BICC1: variants seen among roughly 807,000 people sequenced by gnomAD.
The protein encoded by BICC1 is BicC family RNA binding protein 1, also known as protein bicaudal C homolog 1.
In BICC1, 43 loss-of-function variants were observed where a neutral mutation model predicts 111.0. The ratio of observed to expected loss-of-function variants is 0.39; its 90% confidence interval spans 0.30 to 0.50. The LOEUF is 0.50. BICC1 is among the 20% of genes least tolerant of loss of function. The pLI is 0.88. For synonymous variants in BICC1, 467 were observed against 434.4 expected (o/e 1.07, Z -0.93); for missense variants, 1,091 against 1,203.2 (o/e 0.91, Z 1.38).
chr10:58,805,452 T>A (rs577620099), intron 15 of BICC1, among the ~76,000 whole-genome samples: 1 of 152,382 alleles, frequency 6.6e-6, no homozygotes, highest in Admixed American at 6.5e-5. Flanking sequence ...GTTCTCCGTA[T>A]ACCTTGCCTT....
At chr10:58,789,110 A>T in intron 6 of BICC1, 152 bp from the exon 7 acceptor site, 1 of 631,270 alleles carries the variant, frequency 1.6e-6, no homozygotes. Context: ...AAAGGAAAAA[A>T]AAAAACTTTA....
intron 3 of BICC1, among the ~76,000 whole-genome samples, chr10:58,725,922 G>T (rs1182367594): frequency 6.6e-6 from 1 of 152,200 alleles, no homozygotes; most frequent in Non-Finnish European, 1.5e-5. Context: ...GTGGGGAATG[G>T]TTGCACACTT....
chr10:58,694,993 A>G (rs1442938959), intron 2 of BICC1, among the ~76,000 whole-genome samples: 1 of 152,178 alleles, frequency 6.6e-6, no homozygotes, highest in Non-Finnish European at 1.5e-5. Context: ...GGACTTTGCC[A>G]CATATCTGTC....
chr10:58,558,577 A>C (rs757010903), intron 1 of BICC1, among the ~76,000 whole-genome samples: 1 of 152,106 alleles, frequency 6.6e-6, no homozygotes, highest in Non-Finnish European at 1.5e-5. Context: ...ATGTGAGGGT[A>C]AATCAGGTCC....
At chr10:58,560,992 A>T (rs1166847203) in intron 1 of BICC1, among the ~76,000 whole-genome samples, 1 of 152,070 alleles carries the variant, frequency 6.6e-6, no homozygotes, top group African/African-American at 2.4e-5. Flanking sequence ...GCTCATAAGA[A>T]TGTGTATACA....
At chr10:58,538,112 G>GA (rs947738618) in intron 1 of BICC1, among the ~76,000 whole-genome samples, 8 of 151,240 alleles carry the variant, frequency 5.3e-5, no homozygotes, top group East Asian at 2.0e-4. Context: ...CAGATAATTA[G>GA]AAAAAAAATC....
rs749562177 is a variant in BICC1 at position 58,798,452 on chromosome 10, C to T, written c.1420C>T (p.Leu474Phe). The change falls in exon 11 of 21, where the codon CTC becomes TTC. Residue 474 changes from leucine to phenylalanine, a missense_variant. Physicochemically the swap from Leu to Phe is conservative, Grantham distance 22. Transcript: ENST00000373886. ...SLNTSTTPNS[L>F]LNALNSSVSP... ...GAACACTTCAACAACCCCAAACTCA[C>T]TCTTGAATGCTCTTAATAGCTCAGT... is the stretch of plus-strand genomic sequence containing the variant. 2 of 1,613,186 alleles carry T rather than the reference C, an allele frequency of 1.2e-6. No homozygotes were observed. Among genetic ancestry groups the T allele is most frequent in the Non-Finnish European group, 1.7e-6 (2 of 1,179,548 alleles).
chr10:58,534,271 A>G (rs747561801), intron 1 of BICC1, among the ~76,000 whole-genome samples: 43 of 151,678 alleles, frequency 2.8e-4, no homozygotes, highest in Non-Finnish European at 5.3e-4. Context: ...AATGCTCTGA[A>G]CTTTTTTTTC....
Position 58,708,149 on chromosome 10 carries a change from A to AT in BICC1, c.307+6020dup, listed in dbSNP as rs1225115993. 1.6e-3 allele frequency among the ~76,000 whole-genome samples: 111 copies of AT among 70,072 alleles called. 1 individual carries two copies. Among genetic ancestry groups the AT allele is most frequent in the Middle Eastern group, 0.013 (1 of 76 alleles). 46.0% of individuals were successfully genotyped at this position (70,072 alleles called of 152,430 possible). A position where few individuals can be genotyped will look rare whatever the true frequency, so the allele number is the denominator to read the frequency against. On this transcript the variant is annotated intron_variant, in intron 3 of 20. Coordinates refer to ENST00000373886, the MANE Select transcript of BICC1 (RefSeq NM_001080512.3). ...GTGAGCCACCGCGCCTAGCCAGCCA[A>AT]TTTTTTTTTTTTTTGTATTTTTAGT...
At chr10:58,537,434 TC>T (rs1189419280) in intron 1 of BICC1, among the ~76,000 whole-genome samples, 1 of 151,642 alleles carries the variant, frequency 6.6e-6, no homozygotes, top group African/African-American at 2.4e-5. Flanking sequence ...AAATCTGGTA[TC>T]CCTTTATGAT....
chr10:58,784,956 CAG>C, intron 3 of BICC1, 43 bp from the exon 4 acceptor site: 1 of 1,069,948 alleles, frequency 9.3e-7, no homozygotes, highest in Non-Finnish European at 1.4e-6. Flanking sequence ...CAATTTTAAA[CAG>C]AGTTTGGGAG....
At chr10:58,742,431 A>ATTTTTTTT (rs554670544) in intron 3 of BICC1, among the ~76,000 whole-genome samples, 8 of 94,162 alleles carry the variant, frequency 8.5e-5, no homozygotes, top group East Asian at 2.9e-4. Context: ...GTATGCTTTA[A>ATTTTTTTT]TTTTTTTTTT....
At chr10:58,598,966 C>T (rs1175280263) in intron 1 of BICC1, among the ~76,000 whole-genome samples, 1 of 152,172 alleles carries the variant, frequency 6.6e-6, no homozygotes, top group African/African-American at 2.4e-5. Context: ...CCATCTCACA[C>T]CAGTTAGAAT....
intron 7 of BICC1, 22 bp downstream of exon 7, chr10:58,789,478 G>A (rs2132811447): frequency 6.3e-7 from 1 of 1,589,118 alleles, no homozygotes; most frequent in Non-Finnish European, 8.6e-7. Context: ...AGATAATTCT[G>A]CACATCCTAT....
chr10:58,595,042 A>G (rs1844766472), intron 1 of BICC1, among the ~76,000 whole-genome samples: 1 of 152,228 alleles, frequency 6.6e-6, no homozygotes, highest in Admixed American at 6.5e-5. Context: ...AAGCAAATGG[A>G]AAGCAGAAAA....
chr10:58,685,206 C>G (rs865866721), intron 2 of BICC1, among the ~76,000 whole-genome samples: 8 of 152,136 alleles, frequency 5.3e-5, no homozygotes, highest in African/African-American at 1.9e-4. Context: ...ATCCTGAGTT[C>G]TAGTTTGATT....
At position 58,540,170 on chromosome 10, in the gene BICC1, A is replaced by T. The variant is rs138613708; in HGVS notation, c.190+26837A>T. Among the ~76,000 whole-genome samples the T allele has an allele frequency of 1.9e-3, 289 of 152,058 alleles. 2 individuals carry two copies. The highest frequency in any genetic ancestry group is 7.5e-4 in the Non-Finnish European group (51 of 67,894). Reference sequence around the variant, plus strand: ...AGCAGTAAACATCCATATTAAGAAAATCTCCAATCAACAACCTAACTTTAT... The same window carrying T: ...AGCAGTAAACATCCATATTAAGAAATTCTCCAATCAACAACCTAACTTTAT... On this transcript the variant is annotated intron_variant, in intron 1 of 20. Transcript: ENST00000373886.
chr10:58,563,004 G>A (rs1403427010), intron 1 of BICC1, among the ~76,000 whole-genome samples: 1 of 152,136 alleles, frequency 6.6e-6, no homozygotes, highest in Non-Finnish European at 1.5e-5. Flanking sequence ...TTGGTCTTGA[G>A]GGTAGTCTCC....
intron 17 of BICC1, among the ~76,000 whole-genome samples, chr10:58,807,662 A>G (rs1213302958): frequency 7.2e-5 from 11 of 152,136 alleles, no homozygotes; most frequent in Admixed American, 6.5e-4. Context: ...TGTTTCCCAG[A>G]TGTTGGCTGC....
Sources: gnomAD v4.1 joint callset for allele counts (sites outside exome capture counted in the v4.1 genomes callset) on GRCh38, gnomAD v4.1.1 for gene constraint, MANE v1.5 for transcripts, NCBI Gene and HGNC (gene_info 2026-07-23, HGNC 2026-07-21) for gene names.